The following SEZ6L variants were observed in gnomAD, a reference collection of about 807,000 sequenced individuals.
SEZ6L encodes the protein seizure related 6 homolog like, also known as seizure 6-like protein.
In SEZ6L, 37 loss-of-function variants were observed where a neutral mutation model predicts 106.2. The ratio of observed to expected loss-of-function variants is 0.35; its 90% confidence interval spans 0.27 to 0.46. SEZ6L has a LOEUF of 0.46. Ranked by LOEUF, SEZ6L falls within the 20% of genes least tolerant of loss-of-function variation. The pLI, the probability that SEZ6L is intolerant of heterozygous loss-of-function variation, is 1.00. For missense variants in SEZ6L, 1,172 were observed against 1,332.8 expected (o/e 0.88, Z 1.88); for synonymous variants, 541 against 570.4 (o/e 0.95, Z 0.73).
At chr22:26,333,368 G>A (rs1601527652) in intron 9 of SEZ6L, among the ~76,000 whole-genome samples, 1 of 152,224 alleles carries the variant, frequency 6.6e-6, no homozygotes, top group South Asian at 2.1e-4. Context: ...CCTAGAGGCA[G>A]GCGGGGCAGA....
chr22:26,301,095 G>C (rs2081439490), intron 5 of SEZ6L, among the ~76,000 whole-genome samples: 2 of 152,230 alleles, frequency 1.3e-5, no homozygotes, highest in South Asian at 4.1e-4. Flanking sequence ...CAATGCCATA[G>C]GATGGGAGCC....
chr22:26,270,724 G>A (rs1268776441), intron 1 of SEZ6L, among the ~76,000 whole-genome samples: 1 of 152,126 alleles, frequency 6.6e-6, no homozygotes, highest in Non-Finnish European at 1.5e-5. Context: ...AGTGGAGGAG[G>A]CATTGCCTCA....
intron 14 of SEZ6L, among the ~76,000 whole-genome samples, chr22:26,374,084 C>A (rs1318290628): frequency 6.6e-6 from 1 of 152,008 alleles, no homozygotes; most frequent in African/African-American, 2.4e-5. Flanking sequence ...CCAACCCCTC[C>A]CGTGTGTAAA....
At chr22:26,362,817 G>C (rs738405) in intron 12 of SEZ6L, among the ~76,000 whole-genome samples, 2 of 152,016 alleles carry the variant, frequency 1.3e-5, no homozygotes, top group African/African-American at 4.8e-5. Flanking sequence ...TAACTCCCAG[G>C]GAAGACTGCT....
At chr22:26,254,836 T>A (rs147273451) in intron 1 of SEZ6L, among the ~76,000 whole-genome samples, 1 of 152,224 alleles carries the variant, frequency 6.6e-6, no homozygotes. Flanking sequence ...GCTAAGATAG[T>A]GGACAGCTGC....
At position 26,292,872 on chromosome 22, in the gene SEZ6L, C is replaced by T. The variant is rs17304075; in HGVS notation, c.561C>T (p.Asp187=). ...CATCAGAAGTGCCCCTTTGGCTGGA[C>T]CGAAAGGAGAGTGCGGTCCCTACAA... The part of the protein sequence containing the change: ...EEASEVPLWL[D]RKESAVPTTP... The change falls in exon 2 of 17, where the codon GAC becomes GAT. Residue 187 remains aspartate (D), a synonymous_variant. Coordinates refer to ENST00000248933, the MANE Select transcript of SEZ6L (RefSeq NM_021115.5). 0.1 allele frequency: 163,468 copies of T among 1,614,100 alleles called. 9,122 individuals are homozygous for T. Among genetic ancestry groups the T allele is most frequent in the Middle Eastern group, 0.11 (687 of 6,062 alleles).
chr22:26,243,270 C>G (rs2079200036), intron 1 of SEZ6L, among the ~76,000 whole-genome samples: 1 of 152,170 alleles, frequency 6.6e-6, no homozygotes, highest in Non-Finnish European at 1.5e-5. Flanking sequence ...TGACCCACCA[C>G]AAGGATATCA....
chr22:26,309,647 C>T (rs2081751198), intron 6 of SEZ6L, among the ~76,000 whole-genome samples: 1 of 152,060 alleles, frequency 6.6e-6, no homozygotes. Flanking sequence ...GGCTCGATCT[C>T]GGCTCACTGC....
At chr22:26,304,538 T>C (rs971939871) in intron 5 of SEZ6L, among the ~76,000 whole-genome samples, 1 of 152,114 alleles carries the variant, frequency 6.6e-6, no homozygotes, top group African/African-American at 2.4e-5. Flanking sequence ...AAGAATACCT[T>C]CTCGCTTGAG....
At chr22:26,356,366 G>A (rs2083435354) in intron 12 of SEZ6L, among the ~76,000 whole-genome samples, 1 of 152,104 alleles carries the variant, frequency 6.6e-6, no homozygotes, top group Non-Finnish European at 1.5e-5. Context: ...TGCTGGCTGG[G>A]CGTGATGGCT....
chr22:26,231,990 T>C (rs1031079031), intron 1 of SEZ6L, among the ~76,000 whole-genome samples: 2 of 152,070 alleles, frequency 1.3e-5, no homozygotes, highest in African/African-American at 4.8e-5. Context: ...CAGCACTCCA[T>C]GGGGCACTGC....
At chr22:26,328,556 G>A (rs2082389288) in intron 9 of SEZ6L, among the ~76,000 whole-genome samples, 1 of 152,078 alleles carries the variant, frequency 6.6e-6, no homozygotes, top group South Asian at 2.1e-4. Context: ...GGGAGCTGTT[G>A]GGTTTTCCTG....
intron 1 of SEZ6L, among the ~76,000 whole-genome samples, chr22:26,230,173 C>T (rs2078754985): frequency 6.6e-6 from 1 of 152,138 alleles, no homozygotes; most frequent in South Asian, 2.1e-4. Flanking sequence ...GTGACTGAGA[C>T]AAGCAGAATC....
chr22:26,292,740 A>G lies in SEZ6L; in HGVS notation c.429A>G (p.Gln143=), dbSNP rs562097027. The G allele has an allele frequency of 6.2e-7, 1 of 1,614,020 alleles. No homozygotes were observed. Among genetic ancestry groups the G allele is most frequent in the Non-Finnish European group, 8.5e-7 (1 of 1,179,984 alleles). Residue 143 remains glutamine, a synonymous_variant, in exon 2 of 17, where the codon CAA becomes CAG. Coordinates refer to ENST00000248933, the MANE Select transcript of SEZ6L (RefSeq NM_021115.5). ...AGGCCACCTCCGCAGCCACTGTCCA[A>G]AGGGCAGGGTCCCAGCCAGCGTCCC... The part of the protein sequence containing the change: ...RPKATSAATV[Q]RAGSQPASQG...
intron 1 of SEZ6L, among the ~76,000 whole-genome samples, chr22:26,223,445 G>C (rs1045621227): frequency 6.6e-6 from 1 of 152,124 alleles, no homozygotes; most frequent in Non-Finnish European, 1.5e-5. Context: ...TTATATTGTA[G>C]AGTAAATTGG....
Position 26,380,641 on chromosome 22 carries a change from T to A in SEZ6L, c.*346T>A. On this transcript the variant is annotated 3_prime_UTR_variant, in exon 17 of 17. Coordinates refer to ENST00000248933, the MANE Select transcript of SEZ6L (RefSeq NM_021115.5). Reference sequence around the variant, plus strand: ...CATGCTAAGGCTGCATTGAATTGCATGCATCTTTGGGAACCATGCCCATGA... The same window carrying A: ...CATGCTAAGGCTGCATTGAATTGCAAGCATCTTTGGGAACCATGCCCATGA... The A allele has an allele frequency of 4.2e-6, 1 of 236,428 alleles. No individual in the cohort carries two copies. Among genetic ancestry groups the A allele is most frequent in the Non-Finnish European group, 8.3e-6 (1 of 120,282 alleles). The allele number at this position is 236,428 out of a possible 1,614,324, so 14.6% of individuals were successfully genotyped here. A position where few individuals can be genotyped will look rare whatever the true frequency, so the allele number is the denominator to read the frequency against.
intron 5 of SEZ6L, among the ~76,000 whole-genome samples, chr22:26,305,052 T>C (rs2081590513): frequency 6.6e-6 from 1 of 152,128 alleles, no homozygotes; most frequent in South Asian, 2.1e-4. Flanking sequence ...CTGAACACAT[T>C]GTAACACAAA....
At chr22:26,233,663 T>C (rs2078869116) in intron 1 of SEZ6L, among the ~76,000 whole-genome samples, 3 of 152,222 alleles carry the variant, frequency 2.0e-5, no homozygotes, top group Non-Finnish European at 4.4e-5. Flanking sequence ...CATGTATTTA[T>C]TGAGCACGTA....
At position 26,315,443 on chromosome 22, in the gene SEZ6L, C is replaced by T. The variant is rs144891796; in HGVS notation, c.2015+1541C>T. ...GCAGTGAGCCATGATCATGCCACTG[C>T]ACTCCAGCCTGGGTGACAGAGTAAG... On this transcript the variant is annotated intron_variant, in intron 9 of 16. Transcript: ENST00000248933. 4.9e-4 allele frequency among the ~76,000 whole-genome samples: 74 copies of T among 152,090 alleles called. 1 individual carries two copies. The highest frequency in any genetic ancestry group is 1.7e-3 in the African/African-American group (71 of 41,488).
Sources: gnomAD v4.1 joint callset for allele counts (sites outside exome capture counted in the v4.1 genomes callset) on GRCh38, gnomAD v4.1.1 for gene constraint, MANE v1.5 for transcripts, NCBI Gene and HGNC (gene_info 2026-07-23, HGNC 2026-07-21) for gene names.